Variants in TK2 observed in about 807,000 individuals in gnomAD.
TK2 encodes thymidine kinase 2.
A neutral mutation model predicts 41.9 loss-of-function variants in TK2; 35 were observed. The observed-to-expected ratio is 0.84, with a 90% CI of 0.64 to 1.11. TK2 has a LOEUF of 1.11. Ranked by LOEUF, TK2 falls within the 50% of genes least tolerant of loss-of-function variation. TK2 has a pLI of 0.00. For missense variants in TK2, 320 were observed against 351.1 expected, an observed-to-expected ratio of 0.91 and a Z score of 0.71; for synonymous variants, 128 against 129.1, an observed-to-expected ratio of 0.99 and a Z score of 0.06.
chr16:66,540,169 T>C (rs923667457), intron 3 of TK2, among the ~76,000 whole-genome samples: 1 of 145,802 alleles, frequency 6.9e-6, no homozygotes, highest in Admixed American at 7.0e-5. Context: ...TTTCTTTCTT[T>C]TTTCTTTTTT....
intron 9 of TK2, among the ~76,000 whole-genome samples, chr16:66,512,890 T>C (rs1205926276): frequency 6.6e-6 from 1 of 152,204 alleles, no homozygotes; most frequent in Non-Finnish European, 1.5e-5. Context: ...GATATTCCTA[T>C]GGCCACGCAC....
chr16:66,519,353 AT>A (rs772578677), intron 6 of TK2, among the ~76,000 whole-genome samples: 2 of 151,964 alleles, frequency 1.3e-5, no homozygotes, highest in Non-Finnish European at 2.9e-5. Context: ...TAATTTTTGT[AT>A]TTTTAGTAGA....
chr16:66,521,587 G>A (rs1455907165), intron 6 of TK2, among the ~76,000 whole-genome samples: 1 of 152,230 alleles, frequency 6.6e-6, no homozygotes, highest in Non-Finnish European at 1.5e-5. Context: ...TGTCTGAGCT[G>A]AGTGAGGAAA....
chr16:66,548,611 G>C (rs1446627186), intron 2 of TK2: 2 of 266,772 alleles, frequency 7.5e-6, no homozygotes, highest in African/African-American at 4.5e-5. Flanking sequence ...GGGGGAGAGG[G>C]TGGTGGTGGA....
At chr16:66,529,869 CTCTT>C (rs939194055) in intron 5 of TK2, among the ~76,000 whole-genome samples, 1 of 152,200 alleles carries the variant, frequency 6.6e-6, no homozygotes, top group African/African-American at 2.4e-5. Context: ...CTTCCATCCT[CTCTT>C]TCCTTACTTC....
intron 2 of TK2, among the ~76,000 whole-genome samples, chr16:66,544,264 G>C (rs1054359870): frequency 3.3e-5 from 5 of 152,174 alleles, no homozygotes; most frequent in African/African-American, 1.2e-4. Flanking sequence ...CAGGAAGCAA[G>C]CAAAGGGAGT....
At chr16:66,541,757 C>T (rs905045456) in intron 3 of TK2, 122 bp downstream of exon 3, 3 of 942,962 alleles carry the variant, frequency 3.2e-6, no homozygotes, top group African/African-American at 3.3e-5. Flanking sequence ...TGTTAAATTA[C>T]ACCTGTGGCT....
intron 2 of TK2, chr16:66,546,441 T>C (rs1026630637): frequency 6.6e-6 from 1 of 152,172 alleles, no homozygotes; most frequent in Non-Finnish European, 1.5e-5. Flanking sequence ...AAGACACTTT[T>C]ACCCCATCAC....
intron 4 of TK2, among the ~76,000 whole-genome samples, chr16:66,536,438 G>C (rs1965284906): frequency 6.6e-6 from 1 of 152,152 alleles, no homozygotes; most frequent in African/African-American, 2.4e-5. Context: ...AATTGGGGAA[G>C]GTGAAGGAAG....
rs1272284715 is a variant in TK2, at chr16:66,514,609, C to T, written c.619-798G>A. Among the ~76,000 whole-genome samples, 1 of 152,028 alleles carries T rather than the reference C, an allele frequency of 6.6e-6. No individual in the cohort carries two copies. The highest frequency in any genetic ancestry group is 2.4e-5 in the African/African-American group (1 of 41,382). ...TCTAGGATGTGAGGACCCCTCTGCC[C>T]GGCCGCTCAGTCTGGGAAGTGAGGA... On this transcript the variant is annotated intron_variant, in intron 8 of 9. Coordinates refer to ENST00000544898, the MANE Select transcript of TK2 (RefSeq NM_004614.5). The surrounding 1 kb of genome is among the most constrained non-coding windows in gnomAD (Gnocchi z 4.2).
intron 2 of TK2, among the ~76,000 whole-genome samples, chr16:66,547,037 G>A (rs559837543): frequency 6.6e-6 from 1 of 152,296 alleles, no homozygotes; most frequent in Admixed American, 6.5e-5. Flanking sequence ...ATAGGCATGA[G>A]CCATTAGGTA....
At chr16:66,532,613 A>T (rs976619759) in intron 4 of TK2, among the ~76,000 whole-genome samples, 1 of 152,104 alleles carries the variant, frequency 6.6e-6, no homozygotes, top group Middle Eastern at 3.4e-3. Flanking sequence ...TCGAAAAAAA[A>T]AATAAATTAA....
intron 2 of TK2, among the ~76,000 whole-genome samples, chr16:66,542,242 C>T (rs891381329): frequency 5.9e-5 from 9 of 152,190 alleles, no homozygotes; most frequent in African/African-American, 2.2e-4. Context: ...CAGCTCTGCC[C>T]TTCCTTAGTT....
At chr16:66,546,172 G>A (rs1337603411) in intron 2 of TK2, among the ~76,000 whole-genome samples, 2 of 152,170 alleles carry the variant, frequency 1.3e-5, no homozygotes, top group African/African-American at 2.4e-5. Flanking sequence ...CAAGGCTGCA[G>A]TAAGTTGTGA....
At chr16:66,525,758 T>C (rs570847098) in intron 6 of TK2, among the ~76,000 whole-genome samples, 22 of 152,224 alleles carry the variant, frequency 1.4e-4, no homozygotes, top group African/African-American at 5.1e-4. Context: ...CCGAAAGCCA[T>C]ATGAACTTAA....
rs796066978 is a variant in TK2 at position 66,521,827 on chromosome 16, A to T, written c.450-3950T>A. Among the ~76,000 whole-genome samples, 7 of 152,236 alleles carry T rather than the reference A, an allele frequency of 4.6e-5. No individual in the cohort carries two copies. The South Asian group carries it at 1.4e-3, about 31-fold the overall frequency. On this transcript the variant is annotated intron_variant, in intron 6 of 9. Transcript: ENST00000544898. ...CCAAGCACACAACTCAACAGTGGGC[A>T]TGGGGGTCTCACCCTTGCCCTGACC...
intron 8 of TK2, among the ~76,000 whole-genome samples, chr16:66,515,146 A>G (rs1964574073): frequency 6.8e-6 from 1 of 147,404 alleles, no homozygotes; most frequent in Non-Finnish European, 1.5e-5. Flanking sequence ...TCCGAGAAAC[A>G]CCCAAGAATG....
intron 6 of TK2, among the ~76,000 whole-genome samples, chr16:66,527,626 A>G (rs1389073922): frequency 6.6e-6 from 1 of 152,184 alleles, no homozygotes; most frequent in Non-Finnish European, 1.5e-5. Flanking sequence ...TTAGACACAT[A>G]CTAAGTTGAA....
At chr16:66,539,602 GAAAAAAA>G (rs775031607) in intron 3 of TK2, among the ~76,000 whole-genome samples, 3,474 of 49,182 alleles carry the variant, frequency 0.071, 54 homozygotes, top group Middle Eastern at 0.2. Context: ...CTCCATCTCA[GAAAAAAA>G]AAAAAAAAAA....
Sources: gnomAD v4.1 joint callset for allele counts (sites outside exome capture counted in the v4.1 genomes callset) on GRCh38, gnomAD v4.1.1 for gene constraint, Gnocchi (gnomAD v3.1) non-coding constraint, MANE v1.5 for transcripts, NCBI Gene and HGNC (gene_info 2026-07-23, HGNC 2026-07-21) for gene names.